SRGAP2C: variants seen among roughly 807,000 people sequenced by gnomAD.
The protein encoded by SRGAP2C is SLIT-ROBO Rho GTPase-activating protein 2C.
SRGAP2C carries 15 observed loss-of-function variants against 25.1 expected under a neutral mutation model. The ratio of observed to expected loss-of-function variants is 0.60; its 90% CI spans 0.40 to 0.92. SRGAP2C has a LOEUF of 0.92. Among genes scored for constraint, SRGAP2C ranks in the 40% least tolerant of loss-of-function variants. The pLI is 0.00. For missense variants in SRGAP2C, 144 were observed against 264.4 expected, an observed-to-expected ratio of 0.54 and a Z score of 3.16; for synonymous variants, 44 against 96.6, an observed-to-expected ratio of 0.46 and a Z score of 3.19.
intron 2 of SRGAP2C, among the ~76,000 whole-genome samples, chr1:121,194,682 C>CA (rs1191343149): frequency 4.9e-5 from 4 of 81,534 alleles, no homozygotes; most frequent in East Asian, 3.5e-4. Context: ...GACTCCATTT[C>CA]AAAAAAAAAT....
intron 4 of SRGAP2C, among the ~76,000 whole-genome samples, chr1:121,345,654 T>C (rs1553343663): frequency 7.8e-6 from 1 of 128,500 alleles, no homozygotes; most frequent in African/African-American, 2.9e-5. Flanking sequence ...CTCTTCTTTT[T>C]TTTTTTTTTT....
intron 4 of SRGAP2C, among the ~76,000 whole-genome samples, chr1:121,330,363 CTT>C (rs1658407805): frequency 6.6e-6 from 1 of 151,788 alleles, no homozygotes; most frequent in South Asian, 2.1e-4. Flanking sequence ...TGTTAGGACT[CTT>C]AAGTTTCTAT....
At chr1:121,375,951 G>A (rs1486901753) in intron 7 of SRGAP2C, among the ~76,000 whole-genome samples, 7 of 151,434 alleles carry the variant, frequency 4.6e-5, no homozygotes, top group Non-Finnish European at 8.8e-5. Flanking sequence ...AAAGGGGATT[G>A]AGGAAAGCGG....
At chr1:121,199,019 A>G (rs1654914154) in intron 2 of SRGAP2C, among the ~76,000 whole-genome samples, 1 of 152,062 alleles carries the variant, frequency 6.6e-6, no homozygotes, top group African/African-American at 2.4e-5. Flanking sequence ...CTTGGCCCTT[A>G]TAATAATGAT....
intron 2 of SRGAP2C, among the ~76,000 whole-genome samples, chr1:121,210,023 T>G (rs1198745659): frequency 6.6e-6 from 1 of 151,028 alleles, no homozygotes; most frequent in Non-Finnish European, 1.5e-5. Flanking sequence ...TTAACAGTGT[T>G]GGGTTCATAA....
At chr1:121,211,410 T>TACAC (rs1315607546) in intron 2 of SRGAP2C, among the ~76,000 whole-genome samples, 2 of 103,284 alleles carry the variant, frequency 1.9e-5, no homozygotes, top group Non-Finnish European at 4.1e-5. Flanking sequence ...GATATATATA[T>TACAC]ACACATACAC....
Position 121,385,727 on chromosome 1 carries a change from C to A in SRGAP2C, c.1057-779C>A, listed in dbSNP as rs368407295. Among the ~76,000 whole-genome samples, 802 of 150,762 alleles carry A rather than the reference C, an allele frequency of 5.3e-3. 11 individuals are homozygous for A. The highest frequency in any genetic ancestry group is 0.019 in the African/African-American group (746 of 40,092). On this transcript the variant is annotated intron_variant, in intron 8 of 9. Transcript: ENST00000367123. ...GGAGCTGTCTCCACATGGGTCCTGC[C>A]TCCCAACTCTCTCAGCCTTCTGCTC...
At chr1:121,278,268 G>C (rs1462389381) in intron 2 of SRGAP2C, among the ~76,000 whole-genome samples, 2 of 151,446 alleles carry the variant, frequency 1.3e-5, no homozygotes, top group Admixed American at 6.6e-5. Flanking sequence ...TTACTTAATA[G>C]AGTAAAGTAA....
intron 5 of SRGAP2C, among the ~76,000 whole-genome samples, chr1:121,365,925 G>A (rs1553349428): frequency 2.0e-5 from 3 of 146,460 alleles, no homozygotes. Context: ...CAGGCTGCGG[G>A]CTTGAAGAAG....
At chr1:121,322,181 T>C in intron 3 of SRGAP2C, among the ~76,000 whole-genome samples, 1 of 149,512 alleles carries the variant, frequency 6.7e-6, no homozygotes, top group Non-Finnish European at 1.5e-5. Context: ...TTGAAACCAA[T>C]TGTCAATGTA....
intron 3 of SRGAP2C, among the ~76,000 whole-genome samples, chr1:121,310,804 C>T (rs1480991977): frequency 1.2e-5 from 1 of 86,436 alleles, no homozygotes; most frequent in Non-Finnish European, 2.5e-5. Flanking sequence ...GTACCAGTAC[C>T]ATGCTGTTTT....
chr1:121,389,290 CCAT>C lies in SRGAP2C; in HGVS notation c.*1442_*1444del, dbSNP rs1173787577. ...AATAAATGCTAAAAATTTATCTTCA[CCAT>C]CATCATTAATTTATTTATTAATCAT... On this transcript the variant is annotated 3_prime_UTR_variant, in exon 10 of 10. Transcript: ENST00000367123. 3 of 143,936 alleles carry C rather than the reference CCAT, an allele frequency of 2.1e-5. No homozygotes were observed. Among genetic ancestry groups the C allele is most frequent in the Non-Finnish European group, 3.1e-5 (2 of 65,538 alleles). 8.9% of individuals were successfully genotyped at this position (143,936 alleles called of 1,614,324 possible).
chr1:121,335,427 T>A (rs1421258164), intron 4 of SRGAP2C, among the ~76,000 whole-genome samples: 5 of 144,614 alleles, frequency 3.5e-5, no homozygotes, highest in African/African-American at 1.3e-4. Flanking sequence ...TAAGATGCTA[T>A]AAATGCCATC....
rs1660121199 is a variant in SRGAP2C, at chr1:121,392,330, C to T, written c.*4475C>T. On this transcript the variant is annotated 3_prime_UTR_variant, in exon 10 of 10. Coordinates refer to ENST00000367123, the MANE Select transcript of SRGAP2C (RefSeq NM_001329984.2). ...TTTACTTTTCTTCCTCTTCCTTTCT[C>T]TTCTTCTTTCTCGCCTTCATTATCC... is the stretch of plus-strand genomic sequence containing the variant. The T allele has an allele frequency of 6.6e-6, 1 of 152,074 alleles. No individual in the cohort carries two copies. Among genetic ancestry groups the T allele is most frequent in the Non-Finnish European group, 1.5e-5 (1 of 67,984 alleles). 9.4% of individuals were successfully genotyped at this position (152,074 alleles called of 1,614,324 possible).
intron 2 of SRGAP2C, among the ~76,000 whole-genome samples, chr1:121,270,927 G>A (rs1202208535): frequency 2.7e-5 from 4 of 150,832 alleles, no homozygotes; most frequent in Non-Finnish European, 5.9e-5. Flanking sequence ...TGAGTAGCTG[G>A]GACTACAGGC....
At chr1:121,374,584 A>AT (rs1659587602) in intron 6 of SRGAP2C, among the ~76,000 whole-genome samples, 1 of 152,166 alleles carries the variant, frequency 6.6e-6, no homozygotes, top group Non-Finnish European at 1.5e-5. Flanking sequence ...GAAGAATGAT[A>AT]TTTGAAGATA....
At chr1:121,370,502 C>T (rs1371639075) in intron 5 of SRGAP2C, among the ~76,000 whole-genome samples, 10 of 123,624 alleles carry the variant, frequency 8.1e-5, no homozygotes, top group South Asian at 2.7e-4. Context: ...AGTGCAGTGG[C>T]GTGATCTCGG....
intron 4 of SRGAP2C, among the ~76,000 whole-genome samples, chr1:121,362,515 C>A (rs1282166073): frequency 1.3e-5 from 2 of 150,592 alleles, no homozygotes; most frequent in African/African-American, 4.9e-5. Context: ...CTTCCCCCAT[C>A]CCCCACTCTG....
intron 2 of SRGAP2C, among the ~76,000 whole-genome samples, chr1:121,211,517 A>G (rs1438902986): frequency 2.0e-5 from 3 of 150,894 alleles, no homozygotes; most frequent in Non-Finnish European, 4.5e-5. Flanking sequence ...TAATTTCTAT[A>G]TATTTTAAAT....
Sources: gnomAD v4.1 joint callset for allele counts (sites outside exome capture counted in the v4.1 genomes callset) on GRCh38, gnomAD v4.1.1 for gene constraint, MANE v1.5 for transcripts, NCBI Gene and HGNC (gene_info 2026-07-23, HGNC 2026-07-21) for gene names.